CELF2: variants seen among roughly 807,000 people sequenced by gnomAD.
CELF2 encodes the protein CUGBP Elav-like family member 2.
CELF2 carries 8 observed loss-of-function variants against 62.6 expected under a neutral mutation model. The observed-to-expected ratio is 0.13, with a 90% CI of 0.07 to 0.23. CELF2 has a LOEUF of 0.23. CELF2 is among the 10% of genes least tolerant of loss of function. CELF2 has a pLI of 1.00. For missense variants in CELF2, 333 were observed against 671.0 expected (o/e 0.50, Z 5.56); for synonymous variants, 258 against 250.0 (o/e 1.03, Z -0.30).
intron 4 of CELF2, among the ~76,000 whole-genome samples, chr10:11,252,680 T>C (rs1191564143): frequency 6.6e-6 from 1 of 152,158 alleles, no homozygotes; most frequent in Non-Finnish European, 1.5e-5. Flanking sequence ...TTCCATTGGC[T>C]CTGATTTAAG....
chr10:11,164,930 G>T (rs760964314), intron 1 of CELF2: 1 of 299,748 alleles, frequency 3.3e-6, no homozygotes, highest in Non-Finnish European at 4.9e-6. Context: ...TTCATCACCC[G>T]CATCTTGCAT....
intron 2 of CELF2, among the ~76,000 whole-genome samples, chr10:10,933,927 G>A (rs1016873188): frequency 2.6e-5 from 4 of 152,112 alleles, no homozygotes; most frequent in South Asian, 2.1e-4. Context: ...ATGTCCTGAC[G>A]TATTGATTTC....
At chr10:10,636,272 A>G in the CELF2 span, among the ~76,000 whole-genome samples, 6 of 152,324 alleles carry the variant, frequency 3.9e-5, no homozygotes, top group African/African-American at 1.4e-4. Context: ...TTGGCTTTTC[A>G]ACCCACAATA....
chr10:11,281,493 C>T (rs2088735914), intron 8 of CELF2, among the ~76,000 whole-genome samples: 1 of 152,170 alleles, frequency 6.6e-6, no homozygotes, highest in African/African-American at 2.4e-5. Context: ...GGTGTGGCGG[C>T]TCACACTTGT....
At chr10:10,875,031 G>C (rs1591438920) in intron 1 of CELF2, among the ~76,000 whole-genome samples, 1 of 152,122 alleles carries the variant, frequency 6.6e-6, no homozygotes, top group Admixed American at 6.5e-5. Context: ...AGACCCTTTG[G>C]GGGTTTAGGA....
At chr10:10,814,319 C>A (rs1253607541) in intron 1 of CELF2, among the ~76,000 whole-genome samples, 3 of 147,480 alleles carry the variant, frequency 2.0e-5, no homozygotes, top group Admixed American at 1.4e-4. Flanking sequence ...CAGAAGATGA[C>A]TTCAGAAGAA....
intron 1 of CELF2, among the ~76,000 whole-genome samples, chr10:10,867,461 G>C (rs1345818430): frequency 6.6e-6 from 1 of 152,214 alleles, no homozygotes; most frequent in East Asian, 1.9e-4. Flanking sequence ...CACATCAACA[G>C]ATTCTATAAT....
At chr10:11,282,035 CCACT>C (rs1414838301) in intron 8 of CELF2, among the ~76,000 whole-genome samples, 9 of 152,142 alleles carry the variant, frequency 5.9e-5, no homozygotes. Context: ...GCGAGCAAGG[CCACT>C]CCCAGTGGAT....
chr10:10,871,985 T>C (rs2060781318), intron 1 of CELF2, among the ~76,000 whole-genome samples: 1 of 152,220 alleles, frequency 6.6e-6, no homozygotes, highest in Admixed American at 6.5e-5. Flanking sequence ...ATTTCTATTT[T>C]GCATTTCAAA....
chr10:11,254,456 G>A (rs369264107), intron 4 of CELF2, among the ~76,000 whole-genome samples: 3 of 152,354 alleles, frequency 2.0e-5, no homozygotes, highest in South Asian at 2.1e-4. Flanking sequence ...TTTTAAAAGT[G>A]CGAGTTATCT....
chr10:10,569,846 A>G, the CELF2 span, among the ~76,000 whole-genome samples: 2 of 152,172 alleles, frequency 1.3e-5, no homozygotes, highest in African/African-American at 4.8e-5. Context: ...AACTCTGGAC[A>G]TCAGGAGAAT....
chr10:11,099,906 A>G (rs7100943), intron 1 of CELF2, among the ~76,000 whole-genome samples: 36,389 of 149,740 alleles, frequency 0.24, 6,186 homozygotes, highest in African/African-American at 0.48. Flanking sequence ...AAAAAAACAG[A>G]AAAAACAGCT....
chr10:10,817,356 A>T (rs2056558954), intron 1 of CELF2, among the ~76,000 whole-genome samples: 1 of 152,204 alleles, frequency 6.6e-6, no homozygotes, highest in Admixed American at 6.6e-5. Flanking sequence ...TAAAACGTAC[A>T]ATTAAGTTAT....
intron 2 of CELF2, among the ~76,000 whole-genome samples, chr10:10,998,243 C>T (rs569703469): frequency 6.6e-6 from 1 of 152,154 alleles, no homozygotes; most frequent in Admixed American, 6.5e-5. Flanking sequence ...AGCCCCAAAC[C>T]TTTCATGGCT....
At chr10:10,504,798 G>C in the CELF2 span, among the ~76,000 whole-genome samples, 1 of 150,848 alleles carries the variant, frequency 6.6e-6, no homozygotes, top group African/African-American at 2.4e-5. Flanking sequence ...TTTTTCTTCT[G>C]ATCCCTTCAT....
intron 3 of CELF2, among the ~76,000 whole-genome samples, chr10:11,228,999 A>T (rs1292277929): frequency 1.3e-5 from 2 of 152,180 alleles, no homozygotes; most frequent in African/African-American, 2.4e-5. Context: ...AGTAGGCCGG[A>T]TGGAATTATA....
chr10:10,658,336 CT>C, the CELF2 span, among the ~76,000 whole-genome samples: 1 of 152,170 alleles, frequency 6.6e-6, no homozygotes, highest in African/African-American at 2.4e-5. Flanking sequence ...TTCATCATTT[CT>C]GTTCTAACCA....
In CELF2 at chr10:11,005,555, A is replaced by G. The variant is rs1025594482; in HGVS notation, c.53+115A>G. 173 of 1,457,362 alleles carry G rather than the reference A, an allele frequency of 1.2e-4. No individual in the cohort carries two copies. The highest frequency in any genetic ancestry group is 1.8e-4 in the Middle Eastern group (1 of 5,674). 90.3% of individuals were successfully genotyped at this position (1,457,362 alleles called of 1,614,324 possible). On this transcript the variant is annotated intron_variant, in intron 1 of 12. Transcript: ENST00000416382. The surrounding 1 kb of genome is among the most constrained non-coding windows in gnomAD (Gnocchi z 4.3). ...TCCTTACCTTAGAAGAGAAGGGGGG[A>G]AAAAGAATCTAAAGAGGAAGAGGGA...
chr10:10,737,724 T>C, the CELF2 span, among the ~76,000 whole-genome samples: 1 of 151,694 alleles, frequency 6.6e-6, no homozygotes, highest in Non-Finnish European at 1.5e-5. Flanking sequence ...GCATGCTAGA[T>C]TGGCATAAGA....
Sources: allele counts gnomAD v4.1 joint callset (sites outside exome capture counted in the v4.1 genomes callset), GRCh38; gene constraint gnomAD v4.1.1; non-coding constraint Gnocchi (gnomAD v3.1); transcripts MANE v1.5; gene names NCBI Gene and HGNC (gene_info 2026-07-23, HGNC 2026-07-21).